RBM6: variants seen among roughly 807,000 people sequenced by gnomAD.
RBM6 encodes the protein RNA binding motif protein 6, also known as RNA-binding protein 6.
In RBM6, 23 loss-of-function variants were observed where a neutral mutation model predicts 140.4. That is an observed-to-expected ratio of 0.16 (90% CI 0.12 to 0.23). RBM6 has a LOEUF of 0.23. Among genes scored for constraint, RBM6 ranks in the 10% least tolerant of loss-of-function variants. The probability of loss-of-function intolerance (pLI) is 1.00; values close to 1 mark genes in which losing one functional copy is unlikely to be tolerated. For synonymous variants in RBM6, 439 were observed against 475.6 expected, an observed-to-expected ratio of 0.92 and a Z score of 1.00; for missense variants, 1,139 against 1,386.7, an observed-to-expected ratio of 0.82 and a Z score of 2.84.
intron 16 of RBM6, among the ~76,000 whole-genome samples, 190 bp downstream of exon 16, chr3:50,065,316 T>C (rs921226217): frequency 6.6e-6 from 1 of 152,220 alleles, no homozygotes; most frequent in Non-Finnish European, 1.5e-5. Flanking sequence ...ATGGGGGTAT[T>C]ACTGGAGAAC....
intron 3 of RBM6, among the ~76,000 whole-genome samples, chr3:49,969,096 C>T (rs894599053): frequency 1.3e-5 from 2 of 151,390 alleles, no homozygotes; most frequent in Non-Finnish European, 2.9e-5. Context: ...ATAATCTCAG[C>T]TCACTGCAAC....
chr3:50,076,758 C>T (rs539206803), intron 20 of RBM6, among the ~76,000 whole-genome samples: 2 of 151,684 alleles, frequency 1.3e-5, no homozygotes, highest in Non-Finnish European at 2.9e-5. Context: ...TGGTGGCAGG[C>T]GCCTGTAGTC....
At chr3:49,943,763 T>C (rs1003787879) in intron 1 of RBM6, among the ~76,000 whole-genome samples, 3 of 152,174 alleles carry the variant, frequency 2.0e-5, no homozygotes, top group Non-Finnish European at 4.4e-5. Flanking sequence ...TGATACTTGG[T>C]TATTATATGT....
chr3:49,950,516 G>A (rs766477154), intron 1 of RBM6, among the ~76,000 whole-genome samples: 74 of 152,238 alleles, frequency 4.9e-4, no homozygotes, highest in Non-Finnish European at 9.1e-4. Context: ...AGCACTTTGG[G>A]AGGCCAAGGT....
intron 1 of RBM6, among the ~76,000 whole-genome samples, chr3:49,949,496 G>A (rs538399425): frequency 1.4e-3 from 214 of 152,084 alleles, no homozygotes; most frequent in Non-Finnish European, 2.6e-3. Flanking sequence ...GGGTTCAAGC[G>A]ATTCTCCTGC....
chr3:50,039,667 G>A (rs945942180), intron 6 of RBM6, among the ~76,000 whole-genome samples: 4 of 152,146 alleles, frequency 2.6e-5, no homozygotes, highest in Admixed American at 6.5e-5. Context: ...TTAAAAATCT[G>A]CATTTTAGTG....
chr3:50,042,875 C>T (rs1289982070), intron 6 of RBM6, among the ~76,000 whole-genome samples: 2 of 152,086 alleles, frequency 1.3e-5, no homozygotes, highest in East Asian at 1.9e-4. Flanking sequence ...ATCATGAAGT[C>T]TCTAAGAGCA....
chr3:50,064,187 T>C (rs2090040689), intron 15 of RBM6, among the ~76,000 whole-genome samples: 1 of 152,120 alleles, frequency 6.6e-6, no homozygotes, highest in South Asian at 2.1e-4. Flanking sequence ...CACCTCAGCC[T>C]ACCAAAGTGC....
intron 14 of RBM6, 109 bp from the exon 15 acceptor site, chr3:50,061,853 A>C: frequency 1.4e-6 from 2 of 1,400,124 alleles, no homozygotes; most frequent in Non-Finnish European, 1.9e-6. Context: ...TTAGACTTGT[A>C]AGTAAAAAAG....
chr3:50,037,513 T>C (rs2088614745), intron 6 of RBM6, among the ~76,000 whole-genome samples: 1 of 152,156 alleles, frequency 6.6e-6, no homozygotes, highest in Non-Finnish European at 1.5e-5. Flanking sequence ...GCACTATTTC[T>C]GCAGAAATCA....
intron 5 of RBM6, among the ~76,000 whole-genome samples, chr3:49,979,669 G>A (rs919523704): frequency 6.6e-6 from 1 of 152,120 alleles, no homozygotes; most frequent in South Asian, 2.1e-4. Context: ...TTGAACTCCC[G>A]ACCTCAGGTT....
chr3:49,965,632 T>C lies in RBM6; in HGVS notation c.45-1838T>C, dbSNP rs188751257. Among the ~76,000 whole-genome samples, 7 of 151,078 alleles carry C rather than the reference T, an allele frequency of 4.6e-5. No homozygotes were observed. In the East Asian group the frequency reaches 1.4e-3, roughly 30 times the overall value. ...TTGCAGTGAGCCAATATCGCGCCAC[T>C]GCACTCCAGCCTGGGCGACAGAGCG... On this transcript the variant is annotated intron_variant, in intron 2 of 20. Transcript: ENST00000266022.
intron 5 of RBM6, among the ~76,000 whole-genome samples, chr3:49,992,583 A>G (rs1406720656): frequency 6.6e-6 from 1 of 152,218 alleles, no homozygotes; most frequent in Admixed American, 6.5e-5. Flanking sequence ...ATGGAATAGC[A>G]TAGGCCCAGA....
intron 5 of RBM6, among the ~76,000 whole-genome samples, chr3:49,996,574 G>A (rs770681635): frequency 6.6e-6 from 1 of 151,856 alleles, no homozygotes; most frequent in Non-Finnish European, 1.5e-5. Flanking sequence ...TTTAGTTTTC[G>A]TCTTTTCAGA....
intron 6 of RBM6, among the ~76,000 whole-genome samples, chr3:50,033,678 G>A (rs913308068): frequency 6.6e-6 from 1 of 151,906 alleles, no homozygotes; most frequent in Non-Finnish European, 1.5e-5. Flanking sequence ...ATGGAGTCTC[G>A]CTCTGTCACC....
intron 6 of RBM6, among the ~76,000 whole-genome samples, chr3:50,019,485 T>C (rs1403614364): frequency 6.6e-6 from 1 of 152,190 alleles, no homozygotes; most frequent in East Asian, 1.9e-4. Flanking sequence ...TCTCTTCTTT[T>C]CTCTCCTTTC....
chr3:50,053,660 CTT>C (rs1165645739), intron 7 of RBM6, among the ~76,000 whole-genome samples: 1 of 152,192 alleles, frequency 6.6e-6, no homozygotes, highest in Non-Finnish European at 1.5e-5. Context: ...AGTTCTTACT[CTT>C]TTATTTCCTG....
chr3:49,971,246 A>C (rs1242366270), intron 3 of RBM6, among the ~76,000 whole-genome samples: 2 of 131,844 alleles, frequency 1.5e-5, no homozygotes, highest in East Asian at 4.5e-4. Flanking sequence ...CAGCCTGGGC[A>C]GCAAGAGCGA....
chr3:50,012,202 A>G (rs906306985), intron 6 of RBM6, among the ~76,000 whole-genome samples: 1 of 151,750 alleles, frequency 6.6e-6, no homozygotes, highest in Non-Finnish European at 1.5e-5. Context: ...ATACATTTAC[A>G]TTTTTAATTT....
Sources: allele counts gnomAD v4.1 joint callset (sites outside exome capture counted in the v4.1 genomes callset), GRCh38; gene constraint gnomAD v4.1.1; transcripts MANE v1.5; gene names NCBI Gene and HGNC (gene_info 2026-07-23, HGNC 2026-07-21).